HES4: variants seen among roughly 807,000 people sequenced by gnomAD.
HES4 encodes hes family bHLH transcription factor 4.
In HES4, 17 loss-of-function variants were observed where a neutral mutation model predicts 10.7. The observed-to-expected ratio is 1.59, with a 90% CI of 1.09 to 2.38. HES4 has a LOEUF of 2.38. Ranked by LOEUF, HES4 falls within the 30% of genes most tolerant of loss-of-function variation. HES4 has a pLI of 0.00. For missense variants in HES4, 389 were observed against 332.1 expected, an observed-to-expected ratio of 1.17 and a Z score of -1.33; for synonymous variants, 189 against 159.7, an observed-to-expected ratio of 1.18 and a Z score of -1.38.
chr1:999,141 G>T lies in HES4; in HGVS notation c.584C>A (p.Pro195Gln). Reference protein sequence around the residue: ...PFPLLAPPLLPGLTRALPAAP... With the variant: ...PFPLLAPPLLQGLTRALPAAP... ...GGCGGGCAGCGCCCGGGTCAGACCC[G>T]GCAGCAGCGGCGGCGCGAGCAGAGG... The change falls in exon 4 of 4, where the codon CCG (proline) becomes CAG (glutamine). Residue 195 changes from proline to glutamine, a missense_variant. Pro to Gln is a moderately conservative substitution (Grantham distance 76, BLOSUM62 -1). Transcript: ENST00000304952. The T allele has an allele frequency of 8.1e-7, 1 of 1,230,238 alleles. No homozygotes were observed. Among genetic ancestry groups the T allele is most frequent in the Non-Finnish European group, 1.0e-6 (1 of 988,568 alleles). 76.2% of individuals were successfully genotyped at this position (1,230,238 alleles called of 1,614,324 possible).
At position 999,064 on chromosome 1, in the gene HES4, G is replaced by A. The variant is rs751805487; in HGVS notation, c.661C>T (p.Arg221Cys). 2.1e-5 allele frequency: 27 copies of A among 1,259,526 alleles called. No homozygotes were observed. The African/African-American group carries it at 3.1e-4, about 14-fold the overall frequency. The allele number at this position is 1,259,526 out of a possible 1,614,324, so 78.0% of individuals were successfully genotyped here. ...GCAGTCTCAGGGCCACAGCCTCAGCGCAGCCACGGCCTCCAGGGCCCACCC... is the reference window on the plus strand; with the variant it reads ...GCAGTCTCAGGGCCACAGCCTCAGCACAGCCACGGCCTCCAGGGCCCACCC... ...GPGGPWRPWLR is the reference protein window; with the variant it reads ...GPGGPWRPWLC Residue 221 changes from arginine (R) to cysteine (C), a missense_variant, in exon 4 of 4, where the codon CGC (arginine) becomes TGC (cysteine). Coordinates refer to ENST00000304952, the MANE Select transcript of HES4 (RefSeq NM_021170.4).
At position 999,764 on chromosome 1, in the gene HES4, C is replaced by G; in HGVS notation, c.132G>C (p.Lys44Asn). Residue 44 changes from lysine (K) to asparagine (N), a missense_variant, in exon 2 of 4, where the codon AAG (lysine) becomes AAC (asparagine). Transcript: ENST00000304952. Reference sequence around the variant, plus strand: ...TCTCGTTAATACGCGCTCGGCGCCGCTTCTCCATGACCGGCTTGGAGGACT... The same window carrying G: ...TCTCGTTAATACGCGCTCGGCGCCGGTTCTCCATGACCGGCTTGGAGGACT... Reference protein sequence around the residue: ...HRKSSKPVMEKRRRARINESL... With the variant: ...HRKSSKPVMENRRRARINESL... The G allele has an allele frequency of 6.2e-7, 1 of 1,611,998 alleles. No homozygotes were observed. The highest frequency in any genetic ancestry group is 1.1e-5 in the South Asian group (1 of 90,892).
At position 999,335 on chromosome 1, in the gene HES4, G is replaced by C. The variant is rs1279683117; in HGVS notation, c.390C>G (p.Gly130=). 6.8e-7 allele frequency: 1 copy of C among 1,479,480 alleles called. No individual in the cohort carries two copies. The highest frequency in any genetic ancestry group is 8.9e-7 in the Non-Finnish European group (1 of 1,122,338). 91.6% of individuals were successfully genotyped at this position (1,479,480 alleles called of 1,614,324 possible). A position where few individuals can be genotyped will look rare whatever the true frequency, so the allele number is the denominator to read the frequency against. ...EVNRFLAGCE[G]VPADVRSRLL... ...GGCGGGAGCGCACGTCGGCCGGGACGCCCTCGCAGCCGGCCAGGAAGCGGT... is the reference window on the plus strand; with the variant it reads ...GGCGGGAGCGCACGTCGGCCGGGACCCCCTCGCAGCCGGCCAGGAAGCGGT... Residue 130 remains glycine, a synonymous_variant, in exon 4 of 4, where the codon GGC becomes GGG. Coordinates refer to ENST00000304952, the MANE Select transcript of HES4 (RefSeq NM_021170.4).
chr1:998,972 TA>T lies in HES4; in HGVS notation c.*86del. On this transcript the variant is annotated 3_prime_UTR_variant, in exon 4 of 4. Coordinates refer to ENST00000304952, the MANE Select transcript of HES4 (RefSeq NM_021170.4). ...ACTCGTGACGCAGACTCTGGAATAA[TA>T]AATACGTTTTCTCTGCTACAGTCTC... is the stretch of plus-strand genomic sequence containing the variant. 1 of 1,140,420 alleles carries T rather than the reference TA, an allele frequency of 8.8e-7. No homozygotes were observed. The allele number at this position is 1,140,420 out of a possible 1,614,324, so 70.6% of individuals were successfully genotyped here.
Position 999,873 on chromosome 1 carries a change from TGCTCGGCCGC to T in HES4, c.91_100del (p.Ala31ThrfsTer50). On this transcript the variant is annotated frameshift_variant, in exon 1 of 4. Coordinates refer to ENST00000304952, the MANE Select transcript of HES4 (RefSeq NM_021170.4). LOFTEE classifies it high-confidence loss of function. ...GCCCGGCCGGGACCCCACCTTGCGG[TGCTCGGCCGC>T]GCTCCGGGGCTTGTCTGGGGTCCGG... is the stretch of plus-strand genomic sequence containing the variant. The T allele has an allele frequency of 6.5e-7, 1 of 1,542,436 alleles. No individual in the cohort carries two copies. The highest frequency in any genetic ancestry group is 8.7e-7 in the Non-Finnish European group (1 of 1,148,724).
In HES4 at chr1:999,779, C is replaced by G. The variant is rs759783095; in HGVS notation, c.117G>C (p.Lys39Asn). 1.2e-6 allele frequency: 2 copies of G among 1,611,486 alleles called. No individual in the cohort carries two copies. Among genetic ancestry groups the G allele is most frequent in the East Asian group, 4.5e-5 (2 of 44,730 alleles). The change falls in exon 2 of 4, where the codon AAG (lysine) becomes AAC (asparagine). Residue 39 changes from lysine (K) to asparagine (N), a missense_variant. Physicochemically the swap from Lys to Asn is moderately conservative, Grantham distance 94. Coordinates refer to ENST00000304952, the MANE Select transcript of HES4 (RefSeq NM_021170.4). ...CTCGGCGCCGCTTCTCCATGACCGG[C>G]TTGGAGGACTGCGGGTCGGGCACCG... ...RSAAEHRKSSKPVMEKRRRAR... is the reference protein window; with the variant it reads ...RSAAEHRKSSNPVMEKRRRAR...
Position 999,027 on chromosome 1 carries a change from GC to G in HES4, c.*31del, listed in dbSNP as rs772455227. Reference sequence around the variant, plus strand: ...AAAGGCCACGGCCCTAGAACGGGGCGCCGCCTCCGATGCAGTCTCAGGGCCA... The same window carrying G: ...AAAGGCCACGGCCCTAGAACGGGGCGCGCCTCCGATGCAGTCTCAGGGCCA... On this transcript the variant is annotated 3_prime_UTR_variant, in exon 4 of 4. Coordinates refer to ENST00000304952, the MANE Select transcript of HES4 (RefSeq NM_021170.4). 2 of 1,261,804 alleles carry G rather than the reference GC, an allele frequency of 1.6e-6. No individual in the cohort carries two copies. The highest frequency in any genetic ancestry group is 3.2e-5 in the Admixed American group (1 of 31,410). The allele number at this position is 1,261,804 out of a possible 1,614,324, so 78.2% of individuals were successfully genotyped here. A position where few individuals can be genotyped will look rare whatever the true frequency, so the allele number is the denominator to read the frequency against.
rs201579975 is a variant in HES4, at chr1:999,710, C to T, written c.186G>A (p.Leu62=). ...GACTTACCTCTTTTCTGAGGGCGTC[C>T]AGGATGAGGGTTTTGAGCTGAGCGA... is the stretch of plus-strand genomic sequence containing the variant. ...ESLAQLKTLI[L]DALRKESSRH... is the part of the protein sequence containing the mutation. The change falls in exon 2 of 4, where the codon CTG becomes CTA. Residue 62 remains leucine (L), a synonymous_variant. Transcript: ENST00000304952. 8.0e-4 allele frequency: 1,294 copies of T among 1,611,646 alleles called. 7 individuals are homozygous for T. The highest frequency in any genetic ancestry group is 7.7e-5 in the Non-Finnish European group (91 of 1,179,406).
rs748762240 is a variant in HES4, at chr1:999,804, G to T, written c.109-17C>A. The T allele has an allele frequency of 4.4e-6, 7 of 1,608,644 alleles. No individual in the cohort carries two copies. In the Admixed American group the frequency reaches 1.2e-4, roughly 27 times the overall value. Reference sequence around the variant, plus strand: ...CTTGGAGGACTGCGGGTCGGGCACCGGCTGAGTCCCGCGTCCCTCCCGCCC... The same window carrying T: ...CTTGGAGGACTGCGGGTCGGGCACCTGCTGAGTCCCGCGTCCCTCCCGCCC... On this transcript the variant is annotated splice_polypyrimidine_tract_variant and intron_variant, in intron 1 of 3. Coordinates refer to ENST00000304952, the MANE Select transcript of HES4 (RefSeq NM_021170.4).
chr1:999,528 G>C lies in HES4; in HGVS notation c.290C>G (p.Thr97Arg), dbSNP rs542395408. The change falls in exon 3 of 4, where the codon ACG becomes AGG. Residue 97 changes from threonine (T) to arginine (R), a missense_variant and splice_region_variant. Coordinates refer to ENST00000304952, the MANE Select transcript of HES4 (RefSeq NM_021170.4). The stretch of plus-strand genomic sequence containing the variant: ...AGCCGCCGCCGCCCGCGCCTCACCC[G>C]TCACCTGCACGCGACGCAGGCTCCG... ...HLRSLRRVQVTAALSADPAVL... is the reference protein window; with the variant it reads ...HLRSLRRVQVRAALSADPAVL... 2.5e-6 allele frequency: 4 copies of C among 1,595,718 alleles called. No homozygotes were observed. The highest frequency in any genetic ancestry group is 4.6e-5 in the East Asian group (2 of 43,542).
Position 999,254 on chromosome 1 carries a change from G to A in HES4, c.471C>T (p.Ala157=). The A allele has an allele frequency of 2.1e-6, 3 of 1,398,552 alleles. No individual in the cohort carries two copies. The highest frequency in any genetic ancestry group is 2.8e-6 in the Non-Finnish European group (3 of 1,080,696). The allele number at this position is 1,398,552 out of a possible 1,614,324, so 86.6% of individuals were successfully genotyped here. A position where few individuals can be genotyped will look rare whatever the true frequency, so the allele number is the denominator to read the frequency against. Residue 157 remains alanine (A), a synonymous_variant, in exon 4 of 4, where the codon GCC becomes GCT. Coordinates refer to ENST00000304952, the MANE Select transcript of HES4 (RefSeq NM_021170.4). Reference sequence around the variant, plus strand: ...CTGCGGGGGCAGCCGGGGACAGCGAGGCCGGGCGGCGGGAGGGTCCCAGCT... The same window carrying A: ...CTGCGGGGGCAGCCGGGGACAGCGAAGCCGGGCGGCGGGAGGGTCCCAGCT... ...LRQLGPSRRP[A]SLSPAAPAEA... is the part of the protein sequence containing the mutation.
Position 999,748 on chromosome 1 carries a change from T to A in HES4, c.148A>T (p.Ile50Phe). The stretch of plus-strand genomic sequence containing the variant: ...TTGAGCTGAGCGAGGCTCTCGTTAA[T>A]ACGCGCTCGGCGCCGCTTCTCCATG... ...PVMEKRRRARINESLAQLKTL... is the reference protein window; with the variant it reads ...PVMEKRRRARFNESLAQLKTL... The change falls in exon 2 of 4, where the codon ATT becomes TTT. Residue 50 changes from isoleucine (I) to phenylalanine (F), a missense_variant. Coordinates refer to ENST00000304952, the MANE Select transcript of HES4 (RefSeq NM_021170.4). 1.2e-6 allele frequency: 2 copies of A among 1,611,724 alleles called. No individual in the cohort carries two copies. The highest frequency in any genetic ancestry group is 1.7e-6 in the Non-Finnish European group (2 of 1,179,430).
In HES4 at chr1:999,847, C is replaced by T; in HGVS notation, c.108+19G>A. The T allele has an allele frequency of 6.3e-7, 1 of 1,582,906 alleles. No individual in the cohort carries two copies. The highest frequency in any genetic ancestry group is 2.3e-5 in the East Asian group (1 of 43,136). ...TCCCGCCCCCCGGTCGCCCCCCTCA[C>T]GCCCGGCCGGGACCCCACCTTGCGG... On this transcript the variant is annotated intron_variant, in intron 1 of 3. Transcript: ENST00000304952.
Position 1,000,017 on chromosome 1 carries a change from C to T in HES4, c.-44G>A. On this transcript the variant is annotated 5_prime_UTR_variant, in exon 1 of 4. In the 5' UTR this introduces an upstream ATG that the reference lacks. Transcript: ENST00000304952. ...CCGTGCCGGGTGGAGCGCGCCGCCACGGACCACGGGCGGGCTGGCGGGCGA... is the reference window on the plus strand; with the variant it reads ...CCGTGCCGGGTGGAGCGCGCCGCCATGGACCACGGGCGGGCTGGCGGGCGA... The T allele has an allele frequency of 2.3e-6, 3 of 1,305,440 alleles. No homozygotes were observed. Among genetic ancestry groups the T allele is most frequent in the Middle Eastern group, 2.9e-4 (1 of 3,432 alleles). The allele number at this position is 1,305,440 out of a possible 1,614,324, so 80.9% of individuals were successfully genotyped here.
rs375139682 is a variant in HES4, at chr1:999,556, G to C, written c.262C>G (p.Leu88Val). 5.0e-5 allele frequency: 81 copies of C among 1,605,786 alleles called. No individual in the cohort carries two copies. Among genetic ancestry groups the C allele is most frequent in the Non-Finnish European group, 6.5e-5 (76 of 1,177,278 alleles). The change falls in exon 3 of 4, where the codon CTG becomes GTG. Residue 88 changes from leucine to valine, a missense_variant. Physicochemically the swap from Leu to Val is conservative, Grantham distance 32. Transcript: ENST00000304952. ...ACCTGCACGCGACGCAGGCTCCGCA[G>C]GTGTCTCACGGTCATCTCCAGGATG... Reference protein sequence around the residue: ...ADILEMTVRHLRSLRRVQVTA... With the variant: ...ADILEMTVRHVRSLRRVQVTA...
In HES4 at chr1:999,757, G is replaced by GTTAATAC. The variant is rs1644000062; in HGVS notation, c.138_139insGTATTAA (p.Arg47ValfsTer7). The GTTAATAC allele has an allele frequency of 3.1e-6, 5 of 1,611,944 alleles. No individual in the cohort carries two copies. On this transcript the variant is annotated frameshift_variant, in exon 2 of 4. Transcript: ENST00000304952. LOFTEE classifies it high-confidence loss of function. ...GCGAGGCTCTCGTTAATACGCGCTC[G>GTTAATAC]GCGCCGCTTCTCCATGACCGGCTTG...
rs1464271434 is a variant in HES4, at chr1:999,777, G to A, written c.119C>T (p.Pro40Leu). 4.3e-6 allele frequency: 7 copies of A among 1,611,354 alleles called. No individual in the cohort carries two copies. Among genetic ancestry groups the A allele is most frequent in the African/African-American group, 4.0e-5 (3 of 74,692 alleles). ...SAAEHRKSSKPVMEKRRRARI... is the reference protein window; with the variant it reads ...SAAEHRKSSKLVMEKRRRARI... The stretch of plus-strand genomic sequence containing the variant: ...CGCTCGGCGCCGCTTCTCCATGACC[G>A]GCTTGGAGGACTGCGGGTCGGGCAC... The change falls in exon 2 of 4, where the codon CCG becomes CTG. Residue 40 changes from proline to leucine, a missense_variant. Transcript: ENST00000304952.
Position 999,750 on chromosome 1 carries a change from C to A in HES4, c.146G>T (p.Arg49Leu), listed in dbSNP as rs774882183. The change falls in exon 2 of 4, where the codon CGT becomes CTT. Residue 49 changes from arginine to leucine, a missense_variant. By Grantham distance (102) the Arg-to-Leu change is moderately radical (BLOSUM62 -2). Coordinates refer to ENST00000304952, the MANE Select transcript of HES4 (RefSeq NM_021170.4). Reference sequence around the variant, plus strand: ...GAGCTGAGCGAGGCTCTCGTTAATACGCGCTCGGCGCCGCTTCTCCATGAC... The same window carrying A: ...GAGCTGAGCGAGGCTCTCGTTAATAAGCGCTCGGCGCCGCTTCTCCATGAC... ...KPVMEKRRRA[R>L]INESLAQLKT... 6.2e-7 allele frequency: 1 copy of A among 1,611,752 alleles called. No individual in the cohort carries two copies. The highest frequency in any genetic ancestry group is 1.3e-5 in the African/African-American group (1 of 74,770).
Position 999,386 on chromosome 1 carries a change from G to A in HES4, c.339C>T (p.Gly113=). ...TCACCTCCGCCAGACACTCGTGGAA[G>A]CCGGCGCGGTACTTGCCCAGAACGG... ...DPAVLGKYRA[G]FHECLAEVNR... The change falls in exon 4 of 4, where the codon GGC becomes GGT. Residue 113 remains glycine (G), a synonymous_variant. Transcript: ENST00000304952. 2 of 1,505,960 alleles carry A rather than the reference G, an allele frequency of 1.3e-6. No homozygotes were observed. The highest frequency in any genetic ancestry group is 1.4e-5 in the African/African-American group (1 of 69,330). 93.3% of individuals were successfully genotyped at this position (1,505,960 alleles called of 1,614,324 possible). A position where few individuals can be genotyped will look rare whatever the true frequency, so the allele number is the denominator to read the frequency against.
Sources: gnomAD v4.1 joint callset for allele counts on GRCh38, gnomAD v4.1.1 for gene constraint, MANE v1.5 for transcripts, NCBI Gene and HGNC (gene_info 2026-07-23, HGNC 2026-07-21) for gene names.